SLC9C1: variants seen among roughly 807,000 people sequenced by gnomAD.
SLC9C1 encodes sodium/hydrogen exchanger 10.
In SLC9C1, 97 loss-of-function variants were observed where a neutral mutation model predicts 140.9. That is an observed-to-expected ratio of 0.69 (90% CI 0.58 to 0.82). The LOEUF (loss-of-function observed/expected upper bound fraction) is 0.82. Ranked by LOEUF, SLC9C1 falls within the 40% of genes least tolerant of loss-of-function variation. The probability of loss-of-function intolerance (pLI) is 0.00; values close to 1 mark genes in which losing one functional copy is unlikely to be tolerated. For missense variants in SLC9C1, 1,340 were observed against 1,389.3 expected, an observed-to-expected ratio of 0.96 and a Z score of 0.56; for synonymous variants, 440 against 442.6, an observed-to-expected ratio of 0.99 and a Z score of 0.07.
intron 16 of SLC9C1, among the ~76,000 whole-genome samples, chr3:112,207,745 C>A (rs1458830476): frequency 2.0e-5 from 3 of 152,154 alleles, no homozygotes; most frequent in African/African-American, 7.2e-5. Flanking sequence ...TGAATACCTT[C>A]CTTCTCCGAC....
chr3:112,249,028 G>C (rs1576443653), intron 10 of SLC9C1, among the ~76,000 whole-genome samples: 1 of 152,024 alleles, frequency 6.6e-6, no homozygotes, highest in Non-Finnish European at 1.5e-5. Flanking sequence ...TTTTGTTCCA[G>C]CTCTCAAGGG....
At position 112,204,480 on chromosome 3, in the gene SLC9C1, A is replaced by T. The variant is rs2077991354; in HGVS notation, c.1987-77T>A. 4 of 1,446,264 alleles carry T rather than the reference A, an allele frequency of 2.8e-6. No homozygotes were observed. In the Admixed American group the frequency reaches 1.1e-4, roughly 38 times the overall value. 89.6% of individuals were successfully genotyped at this position (1,446,264 alleles called of 1,614,324 possible). ...CACCATTTTCCACAATAATTTAAAC[A>T]TCATGTTAGGCTTTTCTCTTATCTA... On this transcript the variant is annotated intron_variant, in intron 16 of 28. Transcript: ENST00000305815.
intron 2 of SLC9C1, among the ~76,000 whole-genome samples, chr3:112,284,990 T>TTTTC (rs1553707448): frequency 1.5e-5 from 2 of 137,170 alleles, no homozygotes; most frequent in Admixed American, 7.3e-5. Flanking sequence ...TTTTTCTTTT[T>TTTTC]TTTTTTTTTT....
intron 14 of SLC9C1, among the ~76,000 whole-genome samples, chr3:112,219,136 A>C (rs910403267): frequency 6.6e-6 from 1 of 152,242 alleles, no homozygotes; most frequent in African/African-American, 2.4e-5. Context: ...CTATGTGCTC[A>C]AAGTATTATT....
At chr3:112,280,164 T>C (rs2080319420) in intron 3 of SLC9C1, among the ~76,000 whole-genome samples, 1 of 152,230 alleles carries the variant, frequency 6.6e-6, no homozygotes, top group South Asian at 2.1e-4. Context: ...AGACAAGTTC[T>C]CCCATCCATT....
chr3:112,252,723 C>T (rs1158302483), intron 10 of SLC9C1, among the ~76,000 whole-genome samples: 1 of 152,094 alleles, frequency 6.6e-6, no homozygotes, highest in Non-Finnish European at 1.5e-5. Flanking sequence ...TTGTTGCCTT[C>T]AGGCTTTAGA....
intron 1 of SLC9C1, among the ~76,000 whole-genome samples, chr3:112,287,942 C>T (rs2080561074): frequency 6.9e-6 from 1 of 145,124 alleles, no homozygotes; most frequent in Non-Finnish European, 1.5e-5. Context: ...ACTCGGGAGG[C>T]TGAGGCAGGA....
At chr3:112,211,128 A>T (rs1056572809) in intron 15 of SLC9C1, among the ~76,000 whole-genome samples, 1 of 152,228 alleles carries the variant, frequency 6.6e-6, no homozygotes, top group Non-Finnish European at 1.5e-5. Context: ...GACTGTAAAT[A>T]AGGCCATTTT....
chr3:112,189,690 G>C (rs1171779890), intron 20 of SLC9C1, among the ~76,000 whole-genome samples: 1 of 152,040 alleles, frequency 6.6e-6, no homozygotes, highest in Admixed American at 6.6e-5. Context: ...TTGTTCTTTT[G>C]GCTTAGGATT....
At chr3:112,191,952 T>C (rs933105565) in intron 20 of SLC9C1, among the ~76,000 whole-genome samples, 1 of 152,134 alleles carries the variant, frequency 6.6e-6, no homozygotes, top group Non-Finnish European at 1.5e-5. Flanking sequence ...GACTCAACTC[T>C]ATTTCCTTGA....
At chr3:112,205,298 C>A (rs189399225) in intron 16 of SLC9C1, among the ~76,000 whole-genome samples, 2 of 152,176 alleles carry the variant, frequency 1.3e-5, no homozygotes, top group Admixed American at 1.3e-4. Flanking sequence ...AACTCCCATT[C>A]ACAATTGCTT....
chr3:112,162,187 A>T (rs868833094), intron 26 of SLC9C1, among the ~76,000 whole-genome samples: 4 of 152,242 alleles, frequency 2.6e-5, no homozygotes, highest in Middle Eastern at 3.4e-3. Flanking sequence ...CAATGGGGTT[A>T]TCTAGATATA....
At chr3:112,249,691 T>G (rs2079394011) in intron 10 of SLC9C1, among the ~76,000 whole-genome samples, 1 of 152,184 alleles carries the variant, frequency 6.6e-6, no homozygotes, top group South Asian at 2.1e-4. Context: ...TTCCAATAAT[T>G]TATCTATTTC....
At chr3:112,185,482 A>G in intron 20 of SLC9C1, 1 of 1,610,100 alleles carries the variant, frequency 6.2e-7, no homozygotes, top group East Asian at 2.2e-5. Flanking sequence ...GCGCAGAGTT[A>G]CACCTGGCTG....
intron 23 of SLC9C1, among the ~76,000 whole-genome samples, chr3:112,170,870 A>G (rs1400096462): frequency 6.6e-6 from 1 of 152,218 alleles, no homozygotes; most frequent in African/African-American, 2.4e-5. Flanking sequence ...GTTCAAATTA[A>G]AACTCTGTTT....
chr3:112,168,386 A>G (rs925223572), intron 25 of SLC9C1, among the ~76,000 whole-genome samples: 1 of 150,432 alleles, frequency 6.6e-6, no homozygotes, highest in Non-Finnish European at 1.5e-5. Context: ...CCTTCTTTAC[A>G]TGGCTCAGGT....
chr3:112,216,878 T>A (rs2078388721), intron 15 of SLC9C1, among the ~76,000 whole-genome samples: 1 of 152,128 alleles, frequency 6.6e-6, no homozygotes, highest in Admixed American at 6.5e-5. Flanking sequence ...GGATTATAAA[T>A]CATGCTGCTA....
At chr3:112,240,579 C>T (rs1484557292) in intron 11 of SLC9C1, among the ~76,000 whole-genome samples, 1 of 152,168 alleles carries the variant, frequency 6.6e-6, no homozygotes, top group African/African-American at 2.4e-5. Context: ...TTGTCTCTGC[C>T]TTATGGTCTT....
At chr3:112,259,341 A>G (rs770982643) in intron 10 of SLC9C1, among the ~76,000 whole-genome samples, 2 of 150,590 alleles carry the variant, frequency 1.3e-5, no homozygotes, top group Non-Finnish European at 3.0e-5. Context: ...AAAAATAACT[A>G]TTGGGAACTA....
Sources: allele counts gnomAD v4.1 joint callset (sites outside exome capture counted in the v4.1 genomes callset), GRCh38; gene constraint gnomAD v4.1.1; transcripts MANE v1.5; gene names NCBI Gene and HGNC (gene_info 2026-07-23, HGNC 2026-07-21).